Variants in EVL observed in about 807,000 individuals in gnomAD.
EVL encodes the protein Enah/Vasp-like, also known as ena/VASP-like protein.
A neutral mutation model predicts 59.6 loss-of-function variants in EVL; 21 were observed. That is an observed-to-expected ratio of 0.35 (90% CI 0.25 to 0.51). The LOEUF (loss-of-function observed/expected upper bound fraction) is 0.51. EVL is among the 20% of genes least tolerant of loss of function. EVL has a pLI of 0.97. For synonymous variants in EVL, 198 were observed against 203.5 expected (o/e 0.97, Z 0.23); for missense variants, 462 against 546.6 (o/e 0.85, Z 1.54).
rs1168707249 is a variant in EVL, at chr14:100,083,446, T to A, written c.12-1241T>A. 8.9e-5 allele frequency among the ~76,000 whole-genome samples: 13 copies of A among 145,540 alleles called. 1 individual carries two copies. Among genetic ancestry groups the A allele is most frequent in the African/African-American group, 2.8e-4 (11 of 39,634 alleles). ...GGTGGCACAATCACAATTCCCTCTT[T>A]AAAAAAAAAAAAGAAATAAACGAGT... On this transcript the variant is annotated intron_variant, in intron 1 of 13. Transcript: ENST00000392920.
rs1286468212 is a variant in EVL at position 100,047,116 on chromosome 14, CTCTTTTTT to C, written c.6-37569_6-37562del. Among the ~76,000 whole-genome samples the C allele has an allele frequency of 4.9e-4, 14 of 28,420 alleles. 1 individual carries two copies. The highest frequency in any genetic ancestry group is 3.5e-3 in the South Asian group (3 of 862). The allele number at this position is 28,420 out of a possible 152,430, so 18.6% of individuals were successfully genotyped here. A position where few individuals can be genotyped will look rare whatever the true frequency, so the allele number is the denominator to read the frequency against. ...TTTGAGACCTTGGGCAGATCTCTCT[CTCTTTTTT>C]TTTTTTTTTTTTTTTTTTTTTACCT... On this transcript the variant is annotated intron_variant, in intron 1 of 13. Transcript: ENST00000402714.
At chr14:100,036,992 A>C (rs536876397) in intron 1 of EVL, among the ~76,000 whole-genome samples, 1 of 152,348 alleles carries the variant, frequency 6.6e-6, no homozygotes, top group East Asian at 1.9e-4. Flanking sequence ...CTCTAAGGAC[A>C]CAGTGAGAAG....
intron 1 of EVL, among the ~76,000 whole-genome samples, chr14:100,069,401 T>TA (rs1402480689): frequency 6.6e-6 from 1 of 152,230 alleles, no homozygotes; most frequent in African/African-American, 2.4e-5. Context: ...GGGTTCAGCT[T>TA]ACAATCCTTC....
chr14:100,113,848 G>A (rs1157935975), intron 3 of EVL, among the ~76,000 whole-genome samples: 2 of 152,172 alleles, frequency 1.3e-5, no homozygotes, highest in Non-Finnish European at 2.9e-5. Context: ...CACCGGGACA[G>A]GCAAGTTGGA....
intron 2 of EVL, among the ~76,000 whole-genome samples, chr14:100,090,597 G>T (rs1403364942): frequency 1.3e-5 from 2 of 152,078 alleles, no homozygotes; most frequent in African/African-American, 4.8e-5. Flanking sequence ...GTATTAAAAA[G>T]AAAATTTTGA....
In EVL at chr14:100,114,229, C is replaced by T. The variant is rs1348692569; in HGVS notation, c.359-9310C>T. 1.3e-5 allele frequency among the ~76,000 whole-genome samples: 2 copies of T among 152,054 alleles called. No homozygotes were observed. The highest frequency in any genetic ancestry group is 3.9e-4 in the East Asian group (2 of 5,180). On this transcript the variant is annotated intron_variant, in intron 3 of 13. Coordinates refer to ENST00000392920, the MANE Select transcript of EVL (RefSeq NM_016337.3). The surrounding 1 kb of genome is among the most constrained non-coding windows in gnomAD (Gnocchi z 5.0). ...CGGGTGCCAACTTGGTTTTCCCATA[C>T]CAAAGTTTGGGGTGGTGCCAAATTT...
intron 3 of EVL, among the ~76,000 whole-genome samples, chr14:100,111,215 G>C (rs915329083): frequency 1.2e-4 from 17 of 139,686 alleles, no homozygotes; most frequent in African/African-American, 4.5e-4. Flanking sequence ...GGAGTGCAGT[G>C]GTGCAAACTC....
chr14:99,987,985 G>T (rs552948937), intron 1 of EVL, among the ~76,000 whole-genome samples: 26 of 144,594 alleles, frequency 1.8e-4, no homozygotes, highest in South Asian at 4.3e-4. Flanking sequence ...CGTGATCTTG[G>T]CTCACCACTA....
chr14:100,082,868 G>A (rs1200155207), intron 1 of EVL, among the ~76,000 whole-genome samples: 1 of 152,194 alleles, frequency 6.6e-6, no homozygotes, highest in African/African-American at 2.4e-5. Flanking sequence ...TCCTGTGTTG[G>A]GCAGGAATGG....
chr14:100,126,407 TCTAG>T (rs1433051257), intron 4 of EVL, among the ~76,000 whole-genome samples: 1 of 152,182 alleles, frequency 6.6e-6, no homozygotes, highest in Non-Finnish European at 1.5e-5. Context: ...GGTGCGCCCA[TCTAG>T]CCCAGGGAAG....
chr14:100,095,306 A>T (rs1036278761), intron 2 of EVL, among the ~76,000 whole-genome samples: 1 of 152,194 alleles, frequency 6.6e-6, no homozygotes, highest in South Asian at 2.1e-4. Context: ...TAGAAATGCA[A>T]CACCAAAAAT....
chr14:100,041,409 T>G (rs1228602140), intron 1 of EVL, among the ~76,000 whole-genome samples: 1 of 152,222 alleles, frequency 6.6e-6, no homozygotes, highest in Non-Finnish European at 1.5e-5. Context: ...GAACGTGAAC[T>G]GTCCTGTGGT....
chr14:99,993,057 C>CTTT (rs544024215), intron 1 of EVL, among the ~76,000 whole-genome samples: 7 of 129,680 alleles, frequency 5.4e-5, no homozygotes, highest in African/African-American at 1.5e-4. Flanking sequence ...GCGTATAATC[C>CTTT]TTTTTTTTTT....
intron 1 of EVL, among the ~76,000 whole-genome samples, chr14:100,058,075 G>A (rs879526631): frequency 6.6e-6 from 1 of 152,184 alleles, no homozygotes; most frequent in Non-Finnish European, 1.5e-5. Context: ...GAGAAGTGAG[G>A]TTAGTCTGTT....
At chr14:100,046,549 C>T (rs2061548753) in intron 1 of EVL, among the ~76,000 whole-genome samples, 1 of 151,966 alleles carries the variant, frequency 6.6e-6, no homozygotes, top group Non-Finnish European at 1.5e-5. Flanking sequence ...TGCCTGTAAT[C>T]CCAGCTACTC....
chr14:100,056,587 T>C (rs528641579), intron 1 of EVL, among the ~76,000 whole-genome samples: 12 of 152,342 alleles, frequency 7.9e-5, no homozygotes, highest in Non-Finnish European at 1.3e-4. Context: ...AGAGATGTTA[T>C]AATTTCCTCC....
chr14:100,080,062 C>CT lies in EVL; in HGVS notation c.12-4611dup, dbSNP rs371508011. Among the ~76,000 whole-genome samples the CT allele has an allele frequency of 5.5e-3, 779 of 140,842 alleles. 4 individuals carry two copies. Among genetic ancestry groups the CT allele is most frequent in the Admixed American group, 0.011 (161 of 14,092 alleles). The allele number at this position is 140,842 out of a possible 152,430, so 92.4% of individuals were successfully genotyped here. ...TGCAGAAAATTTGGGATGTGTTTTG[C>CT]TTTTTTTTTTTTTTCTCTTCAGTGA... On this transcript the variant is annotated intron_variant, in intron 1 of 13. Transcript: ENST00000392920.
At chr14:100,048,166 A>C (rs2061585159) in intron 1 of EVL, among the ~76,000 whole-genome samples, 1 of 152,210 alleles carries the variant, frequency 6.6e-6, no homozygotes, top group African/African-American at 2.4e-5. Flanking sequence ...TTTTGACTTC[A>C]TCAGAATTAA....
chr14:100,096,664 C>T (rs148333957), intron 2 of EVL, among the ~76,000 whole-genome samples: 1 of 152,280 alleles, frequency 6.6e-6, no homozygotes, highest in Admixed American at 6.5e-5. Flanking sequence ...CTCCAGGGCA[C>T]GACTTAGGAA....
Sources: gnomAD v4.1 joint callset for allele counts (sites outside exome capture counted in the v4.1 genomes callset) on GRCh38, gnomAD v4.1.1 for gene constraint, Gnocchi (gnomAD v3.1) non-coding constraint, MANE v1.5 for transcripts, NCBI Gene and HGNC (gene_info 2026-07-23, HGNC 2026-07-21) for gene names.